Variants in PALLD observed in about 807,000 individuals in gnomAD.
The protein encoded by PALLD is palladin.
PALLD carries 61 observed loss-of-function variants against 123.5 expected under a neutral mutation model. The observed-to-expected ratio is 0.49, with a 90% CI of 0.40 to 0.61. PALLD has a LOEUF of 0.61. PALLD is among the 20% of genes least tolerant of loss of function. PALLD has a pLI of 0.00. For synonymous variants in PALLD, 465 were observed against 496.4 expected (o/e 0.94, Z 0.84); for missense variants, 1,273 against 1,377.0 (o/e 0.92, Z 1.20).
At chr4:168,512,529 T>C in intron 2 of PALLD, 117 bp downstream of exon 2, 1 of 980,708 alleles carries the variant, frequency 1.0e-6, no homozygotes. Context: ...GGTAGAGTAC[T>C]TGCAAGGAGA....
chr4:168,807,966 A>C (rs902646293), intron 10 of PALLD, among the ~76,000 whole-genome samples: 21 of 150,992 alleles, frequency 1.4e-4, no homozygotes, highest in African/African-American at 5.1e-4. Context: ...TCAGCTTCCC[A>C]ATGTGCTGGG....
chr4:168,657,044 T>C lies in PALLD; in HGVS notation c.909-11146T>C, dbSNP rs12645133. On this transcript the variant is annotated intron_variant, in intron 2 of 21. Coordinates refer to ENST00000505667, the MANE Select transcript of PALLD (RefSeq NM_001166108.2). ...AGCTCTGGAAAAGCTAGTTGTAAAA[T>C]GTATGCTAGGTATTAAATGTCACCA... 1.7e-3 allele frequency among the ~76,000 whole-genome samples: 263 copies of C among 152,272 alleles called. 2 individuals carry two copies. The South Asian group carries it at 0.026, about 15-fold the overall frequency.
At chr4:168,621,229 A>G (rs924041824) in intron 2 of PALLD, among the ~76,000 whole-genome samples, 13 of 152,258 alleles carry the variant, frequency 8.5e-5, no homozygotes, top group African/African-American at 3.1e-4. Flanking sequence ...GGGAAGGCTC[A>G]ATAAACAATG....
intron 2 of PALLD, among the ~76,000 whole-genome samples, chr4:168,547,057 T>A (rs139937591): frequency 1.0e-3 from 155 of 152,226 alleles, no homozygotes; most frequent in African/African-American, 3.5e-3. Flanking sequence ...AACCTGTTCA[T>A]ACATTTTAGA....
In PALLD at chr4:168,676,307, C is replaced by T. The variant is rs182154953; in HGVS notation, c.1088-5025C>T. ...AAGTTATGTGTCACTGACATTGCTT[C>T]GGTTACTCTGATCTGTAAATGATTC... On this transcript the variant is annotated intron_variant, in intron 3 of 21. Coordinates refer to ENST00000505667, the MANE Select transcript of PALLD (RefSeq NM_001166108.2). Among the ~76,000 whole-genome samples, 17 of 151,820 alleles carry T rather than the reference C, an allele frequency of 1.1e-4. No homozygotes were observed. In the East Asian group the frequency reaches 2.5e-3, roughly 23 times the overall value.
At chr4:168,596,937 C>G (rs549866495) in intron 2 of PALLD, among the ~76,000 whole-genome samples, 30 of 127,810 alleles carry the variant, frequency 2.3e-4, no homozygotes, top group Non-Finnish European at 3.8e-5. Flanking sequence ...CACTTTTACC[C>G]TTTTCAAAGT....
At chr4:168,804,524 T>C (rs901589455) in intron 10 of PALLD, among the ~76,000 whole-genome samples, 9 of 152,224 alleles carry the variant, frequency 5.9e-5, no homozygotes, top group African/African-American at 1.9e-4. Context: ...TGTTTCTGGC[T>C]CATGGTGATG....
intron 10 of PALLD, among the ~76,000 whole-genome samples, chr4:168,841,577 C>A (rs747533678): frequency 2.6e-5 from 4 of 152,148 alleles, no homozygotes; most frequent in Non-Finnish European, 5.9e-5. Flanking sequence ...TGAGTAGACA[C>A]CTCAGCCACG....
intron 10 of PALLD, among the ~76,000 whole-genome samples, chr4:168,846,075 T>TAGAGAAGAGGA (rs1746798603): frequency 6.6e-6 from 1 of 152,234 alleles, no homozygotes; most frequent in Admixed American, 6.5e-5. Context: ...GAATGTCATT[T>TAGAGAAGAGGA]CAATACCAAG....
At chr4:168,863,460 C>G (rs993323895) in intron 10 of PALLD, among the ~76,000 whole-genome samples, 1 of 152,192 alleles carries the variant, frequency 6.6e-6, no homozygotes. Flanking sequence ...CAGATCCATC[C>G]CCCACCCATA....
intron 2 of PALLD, among the ~76,000 whole-genome samples, chr4:168,588,100 G>A (rs1025377699): frequency 2.0e-5 from 3 of 152,042 alleles, no homozygotes; most frequent in African/African-American, 2.4e-5. Flanking sequence ...GAATGTCTGC[G>A]GAGTGCCCAT....
chr4:168,647,504 G>C (rs541134434), intron 2 of PALLD, among the ~76,000 whole-genome samples: 1 of 152,166 alleles, frequency 6.6e-6, no homozygotes, highest in East Asian at 1.9e-4. Flanking sequence ...GCATGTGGCC[G>C]GGCGTGTAGC....
At chr4:168,761,547 G>A (rs187957572) in intron 10 of PALLD, among the ~76,000 whole-genome samples, 3 of 151,002 alleles carry the variant, frequency 2.0e-5, no homozygotes, top group African/African-American at 4.9e-5. Context: ...TACAACCTCC[G>A]CCTCCCGGGC....
At chr4:168,695,405 G>A (rs1017228945) in intron 8 of PALLD, among the ~76,000 whole-genome samples, 2 of 152,132 alleles carry the variant, frequency 1.3e-5, no homozygotes, top group South Asian at 4.1e-4. Flanking sequence ...GGATGCCCTG[G>A]GGTGCCACAC....
intron 2 of PALLD, among the ~76,000 whole-genome samples, chr4:168,667,877 G>C (rs985750785): frequency 2.6e-5 from 4 of 152,142 alleles, no homozygotes; most frequent in Non-Finnish European, 4.4e-5. Flanking sequence ...GGAGGTATTT[G>C]TTATAAAGCA....
At chr4:168,895,490 A>G (rs1754922980) in intron 12 of PALLD, among the ~76,000 whole-genome samples, 1 of 152,256 alleles carries the variant, frequency 6.6e-6, no homozygotes, top group South Asian at 2.1e-4. Context: ...GTTGATTAAC[A>G]CGTATTCTGT....
intron 13 of PALLD, 143 bp from the exon 14 acceptor site, chr4:168,898,350 C>G: frequency 5.8e-6 from 4 of 686,338 alleles, no homozygotes; most frequent in Non-Finnish European, 8.0e-6. Context: ...GTTTCATATG[C>G]AATTGAATTG....
At chr4:168,666,305 G>C (rs936011201) in intron 2 of PALLD, among the ~76,000 whole-genome samples, 1 of 152,060 alleles carries the variant, frequency 6.6e-6, no homozygotes, top group South Asian at 2.1e-4. Context: ...ATGGAATGTA[G>C]AAACACTCTA....
At chr4:168,806,941 G>A (rs1581570054) in intron 10 of PALLD, among the ~76,000 whole-genome samples, 1 of 152,154 alleles carries the variant, frequency 6.6e-6, no homozygotes, top group East Asian at 1.9e-4. Flanking sequence ...CATATATGTA[G>A]TTTCACTTAT....
Sources: gnomAD v4.1 joint callset for allele counts (sites outside exome capture counted in the v4.1 genomes callset) on GRCh38, gnomAD v4.1.1 for gene constraint, MANE v1.5 for transcripts, NCBI Gene and HGNC (gene_info 2026-07-23, HGNC 2026-07-21) for gene names.